The following NALF1 variants were observed in gnomAD, a reference collection of about 807,000 sequenced individuals.
NALF1 encodes family with sequence similarity 155 member A.
In NALF1, 3 loss-of-function variants were observed where a neutral mutation model predicts 48.4. That is an observed-to-expected ratio of 0.06 (90% CI 0.03 to 0.16). NALF1 has a LOEUF of 0.16. Among genes scored for constraint, NALF1 ranks in the 10% least tolerant of loss-of-function variants. The probability of loss-of-function intolerance (pLI) is 1.00; values close to 1 mark genes in which losing one functional copy is unlikely to be tolerated. For missense variants in NALF1, 526 were observed against 571.5 expected (o/e 0.92, Z 0.81); for synonymous variants, 262 against 245.7 (o/e 1.07, Z -0.62).
At chr13:107,667,883 G>T (rs575188582) in intron 1 of NALF1, among the ~76,000 whole-genome samples, 1 of 151,984 alleles carries the variant, frequency 6.6e-6, no homozygotes, top group African/African-American at 2.4e-5. Context: ...CCATATAATG[G>T]AAAATATTTT....
rs1171033619 is a variant in NALF1 at position 107,632,903 on chromosome 13, C to G, written c.915+232779G>C. Reference sequence around the variant, plus strand: ...TGAAGGCAGAAATTTTTATAACAAGCCTCATGAAAAAAAAAAAAAAGGAAT... The same window carrying G: ...TGAAGGCAGAAATTTTTATAACAAGGCTCATGAAAAAAAAAAAAAAGGAAT... On this transcript the variant is annotated intron_variant, in intron 1 of 2. Transcript: ENST00000375915. Among the ~76,000 whole-genome samples the G allele has an allele frequency of 3.6e-5, 4 of 111,708 alleles. No homozygotes were observed. In the East Asian group the frequency reaches 1.4e-3, roughly 38 times the overall value. 73.3% of individuals were successfully genotyped at this position (111,708 alleles called of 152,430 possible).
At position 107,337,095 on chromosome 13, in the gene NALF1, C is replaced by A. The variant is rs371459897; in HGVS notation, c.916-126340G>T. ...AAAAAAAATGTCAGAAGAAAAGAGA[C>A]TCTTTAGGCCACATCACGGCATGGC... On this transcript the variant is annotated intron_variant, in intron 1 of 2. Coordinates refer to ENST00000375915, the MANE Select transcript of NALF1 (RefSeq NM_001080396.3). Among the ~76,000 whole-genome samples, 8 of 137,886 alleles carry A rather than the reference C, an allele frequency of 5.8e-5. No individual in the cohort carries two copies. In the East Asian group the frequency reaches 1.1e-3, roughly 19 times the overall value. The allele number at this position is 137,886 out of a possible 152,430, so 90.5% of individuals were successfully genotyped here.
intron 1 of NALF1, among the ~76,000 whole-genome samples, chr13:107,483,360 T>C (rs1885282666): frequency 6.6e-6 from 1 of 152,292 alleles, no homozygotes; most frequent in African/African-American, 2.4e-5. Flanking sequence ...TTGTCACATT[T>C]TAATTGTGTT....
intron 1 of NALF1, among the ~76,000 whole-genome samples, chr13:107,599,420 T>TTA: frequency 1.3e-5 from 1 of 78,286 alleles, no homozygotes; most frequent in Middle Eastern, 5.2e-3. Flanking sequence ...AGACTCCGTC[T>TTA]CAAAAAAAAA....
chr13:107,289,322 C>G (rs28528156), intron 1 of NALF1, among the ~76,000 whole-genome samples: 50,203 of 152,056 alleles, frequency 0.33, 10,217 homozygotes, highest in South Asian at 0.55. Flanking sequence ...AATATATGCT[C>G]TCTGAAGCAT....
intron 1 of NALF1, among the ~76,000 whole-genome samples, chr13:107,538,737 T>C (rs1876913471): frequency 1.3e-5 from 2 of 152,168 alleles, no homozygotes; most frequent in South Asian, 4.1e-4. Context: ...TGAGAAAAAT[T>C]GCTTAATTTC....
At chr13:107,819,779 C>G (rs1428779277) in intron 1 of NALF1, among the ~76,000 whole-genome samples, 5 of 151,682 alleles carry the variant, frequency 3.3e-5, no homozygotes, top group African/African-American at 1.2e-4. Context: ...CACACACACA[C>G]AGCACACACA....
intron 1 of NALF1, among the ~76,000 whole-genome samples, chr13:107,213,602 A>G (rs1049962764): frequency 6.6e-6 from 1 of 152,224 alleles, no homozygotes; most frequent in Non-Finnish European, 1.5e-5. Flanking sequence ...TTAAGAGATT[A>G]AGGATGAGAA....
chr13:107,220,484 A>C (rs1291613141), intron 1 of NALF1, among the ~76,000 whole-genome samples: 2 of 152,204 alleles, frequency 1.3e-5, no homozygotes, highest in Non-Finnish European at 2.9e-5. Flanking sequence ...ATTGAAATAC[A>C]GACTTGTAGC....
At chr13:107,201,416 A>C (rs1879515502) in intron 2 of NALF1, among the ~76,000 whole-genome samples, 2 of 152,146 alleles carry the variant, frequency 1.3e-5, no homozygotes, top group African/African-American at 4.8e-5. Context: ...CTCTACTAAA[A>C]ATACCAAAAA....
intron 1 of NALF1, among the ~76,000 whole-genome samples, chr13:107,390,022 C>T (rs984541208): frequency 1.3e-5 from 2 of 152,076 alleles, no homozygotes; most frequent in African/African-American, 2.4e-5. Flanking sequence ...ATCTACCTCA[C>T]AATTTCTAGG....
intron 1 of NALF1, among the ~76,000 whole-genome samples, chr13:107,713,001 C>A (rs1875649713): frequency 6.6e-6 from 1 of 152,154 alleles, no homozygotes; most frequent in African/African-American, 2.4e-5. Context: ...GGGGAGCGAG[C>A]CCTTCTCCTT....
intron 1 of NALF1, among the ~76,000 whole-genome samples, chr13:107,582,790 C>G (rs960321847): frequency 2.0e-5 from 3 of 152,052 alleles, no homozygotes; most frequent in African/African-American, 7.2e-5. Context: ...TTATGACTCC[C>G]TTAAATAAAA....
Position 107,362,493 on chromosome 13 carries a change from A to C in NALF1, c.916-151738T>G, listed in dbSNP as rs61210054. On this transcript the variant is annotated intron_variant, in intron 1 of 2. Coordinates refer to ENST00000375915, the MANE Select transcript of NALF1 (RefSeq NM_001080396.3). The surrounding 1 kb of genome is among the most constrained non-coding windows in gnomAD (Gnocchi z 4.6). The stretch of plus-strand genomic sequence containing the variant: ...ATTTGCAGCTGCATGACTCCAATTT[A>C]TACCACTGTTGTCACTTGGCATTCT... 0.1 allele frequency among the ~76,000 whole-genome samples: 15,604 copies of C among 152,058 alleles called. 1,116 individuals are homozygous for C. Among genetic ancestry groups the C allele is most frequent in the African/African-American group, 0.2 (8,307 of 41,466 alleles).
chr13:107,403,827 C>CATAACCAT (rs1883855809), intron 1 of NALF1, among the ~76,000 whole-genome samples: 1 of 151,914 alleles, frequency 6.6e-6, no homozygotes, highest in African/African-American at 2.4e-5. Context: ...TCTTTCTTCA[C>CATAACCAT]ATAACCATAA....
intron 1 of NALF1, among the ~76,000 whole-genome samples, chr13:107,358,069 C>T (rs543284450): frequency 3.9e-5 from 6 of 151,988 alleles, no homozygotes; most frequent in East Asian, 1.9e-4. Context: ...TATTTATATA[C>T]GCATATATAT....
intron 1 of NALF1, among the ~76,000 whole-genome samples, chr13:107,397,157 G>C (rs1883727065): frequency 6.6e-6 from 1 of 152,126 alleles, no homozygotes; most frequent in South Asian, 2.1e-4. Flanking sequence ...AAGCTGCAAG[G>C]ACTATTCCTG....
intron 2 of NALF1, among the ~76,000 whole-genome samples, chr13:107,178,466 T>C (rs368741825): frequency 5.3e-5 from 8 of 152,292 alleles, no homozygotes; most frequent in South Asian, 2.1e-4. Context: ...CTCAACACAA[T>C]TGATCATCAG....
At chr13:107,531,623 C>T (rs1189746764) in intron 1 of NALF1, among the ~76,000 whole-genome samples, 1 of 152,046 alleles carries the variant, frequency 6.6e-6, no homozygotes, top group Non-Finnish European at 1.5e-5. Flanking sequence ...GTTTATTCAA[C>T]ATCAAAACCA....
Sources: gnomAD v4.1 joint callset for allele counts (sites outside exome capture counted in the v4.1 genomes callset) on GRCh38, gnomAD v4.1.1 for gene constraint, Gnocchi (gnomAD v3.1) non-coding constraint, MANE v1.5 for transcripts, NCBI Gene and HGNC (gene_info 2026-07-23, HGNC 2026-07-21) for gene names.